Variants in DPP10 observed in about 807,000 individuals in gnomAD.
The protein encoded by DPP10 is dipeptidyl peptidase like 10, also known as inactive dipeptidyl peptidase 10.
A neutral mutation model predicts 120.9 loss-of-function variants in DPP10; 33 were observed. The ratio of observed to expected loss-of-function variants is 0.27; its 90% CI spans 0.21 to 0.37. The LOEUF (loss-of-function observed/expected upper bound fraction) is 0.37, where lower values mean the gene tolerates loss of function less well. DPP10 is among the 10% of genes least tolerant of loss of function. The pLI is 1.00. For missense variants in DPP10, 816 were observed against 942.8 expected, an observed-to-expected ratio of 0.87 and a Z score of 1.76; for synonymous variants, 337 against 326.1, an observed-to-expected ratio of 1.03 and a Z score of -0.36.
chr2:115,170,155 A>C (rs2053210182), intron 1 of DPP10, among the ~76,000 whole-genome samples: 1 of 152,218 alleles, frequency 6.6e-6, no homozygotes, highest in Admixed American at 6.5e-5. Flanking sequence ...TTTTGGCAAG[A>C]GTTGAGTAAG....
chr2:114,849,426 G>A (rs140166556), intron 1 of DPP10, among the ~76,000 whole-genome samples: 13,371 of 152,036 alleles, frequency 0.088, 704 homozygotes, highest in Non-Finnish European at 0.11. Flanking sequence ...CATGGCTCAC[G>A]GCAGCCTCAA....
intron 1 of DPP10, among the ~76,000 whole-genome samples, chr2:114,979,603 T>C (rs1015865179): frequency 6.6e-6 from 1 of 152,080 alleles, no homozygotes; most frequent in Admixed American, 6.6e-5. Flanking sequence ...TATAATCTTA[T>C]ATTTTGAAAA....
chr2:114,885,678 A>C (rs1336147077), intron 1 of DPP10, among the ~76,000 whole-genome samples: 1 of 152,140 alleles, frequency 6.6e-6, no homozygotes, highest in Non-Finnish European at 1.5e-5. Context: ...AATACCCTAG[A>C]TGATTCTAGT....
chr2:115,070,776 T>C (rs1707300942), intron 1 of DPP10, among the ~76,000 whole-genome samples: 1 of 152,198 alleles, frequency 6.6e-6, no homozygotes, highest in South Asian at 2.1e-4. Context: ...AATATCATTT[T>C]AATTCACAAC....
At chr2:115,257,323 G>A (rs1013700344) in intron 1 of DPP10, among the ~76,000 whole-genome samples, 1 of 151,748 alleles carries the variant, frequency 6.6e-6, no homozygotes, top group African/African-American at 2.4e-5. Context: ...CCTCAGATGG[G>A]GCAATTTATA....
At chr2:115,560,822 G>A (rs1009859385) in intron 5 of DPP10, among the ~76,000 whole-genome samples, 8 of 151,928 alleles carry the variant, frequency 5.3e-5, no homozygotes, top group Non-Finnish European at 1.0e-4. Flanking sequence ...TAACTCTTCC[G>A]TACGAAAGTA....
At chr2:114,665,558 G>T (rs1306735389) in intron 1 of DPP10, among the ~76,000 whole-genome samples, 1 of 152,172 alleles carries the variant, frequency 6.6e-6, no homozygotes, top group East Asian at 1.9e-4. Flanking sequence ...AAAGGAAGCT[G>T]TCATTGGAAT....
At chr2:115,774,742 T>TG (rs1681892723) in intron 13 of DPP10, among the ~76,000 whole-genome samples, 2 of 152,138 alleles carry the variant, frequency 1.3e-5, no homozygotes, top group Admixed American at 1.3e-4. Context: ...GATATTGAAA[T>TG]GCAAATACAT....
At chr2:115,587,089 CTTTTTTTT>C (rs756810925) in intron 5 of DPP10, among the ~76,000 whole-genome samples, 5 of 103,916 alleles carry the variant, frequency 4.8e-5, no homozygotes, top group African/African-American at 1.5e-4. Context: ...TTTTCTCTTT[CTTTTTTTT>C]TTTTTTTTTT....
intron 1 of DPP10, among the ~76,000 whole-genome samples, chr2:114,476,481 C>T (rs1475288961): frequency 6.6e-6 from 1 of 152,078 alleles, no homozygotes; most frequent in Non-Finnish European, 1.5e-5. Context: ...ACATTGGACA[C>T]CAATGAAGCT....
At chr2:114,490,383 A>G (rs1051822312) in intron 1 of DPP10, among the ~76,000 whole-genome samples, 1 of 151,698 alleles carries the variant, frequency 6.6e-6, no homozygotes, top group African/African-American at 2.4e-5. Context: ...CCCAACACCC[A>G]TTTCAGCTCT....
At chr2:114,665,136 G>GA (rs992015904) in intron 1 of DPP10, among the ~76,000 whole-genome samples, 1 of 152,158 alleles carries the variant, frequency 6.6e-6, no homozygotes, top group African/African-American at 2.4e-5. Context: ...AGTGGTCAAG[G>GA]AAAAAAATGT....
At chr2:114,913,213 C>G (rs189896137) in intron 1 of DPP10, among the ~76,000 whole-genome samples, 1 of 152,202 alleles carries the variant, frequency 6.6e-6, no homozygotes, top group African/African-American at 2.4e-5. Context: ...CCAGCTAGTA[C>G]CCATGCACAG....
chr2:115,014,434 A>G (rs1209789087), intron 1 of DPP10, among the ~76,000 whole-genome samples: 1 of 152,168 alleles, frequency 6.6e-6, no homozygotes, highest in African/African-American at 2.4e-5. Flanking sequence ...AATTAAAAGA[A>G]CTAGAGAGAC....
chr2:114,509,297 T>C (rs966046213), intron 1 of DPP10, among the ~76,000 whole-genome samples: 6 of 152,230 alleles, frequency 3.9e-5, no homozygotes, highest in Non-Finnish European at 7.3e-5. Flanking sequence ...AAATCATAAT[T>C]GTTATGAAGA....
At chr2:115,036,566 G>A (rs1428600780) in intron 1 of DPP10, among the ~76,000 whole-genome samples, 6 of 152,168 alleles carry the variant, frequency 3.9e-5, no homozygotes, top group Admixed American at 6.5e-5. Flanking sequence ...AAGGAAACCT[G>A]AGGATAAGGA....
chr2:115,012,662 G>A (rs1305480832), intron 1 of DPP10, among the ~76,000 whole-genome samples: 1 of 152,202 alleles, frequency 6.6e-6, no homozygotes, highest in African/African-American at 2.4e-5. Context: ...GGAGCACCCT[G>A]TGGGACAGAA....
chr2:115,090,598 G>T (rs572574569), intron 1 of DPP10, among the ~76,000 whole-genome samples: 11 of 152,256 alleles, frequency 7.2e-5, no homozygotes, highest in African/African-American at 2.6e-4. Context: ...TTTTGTAAAA[G>T]TTAAAGAAAG....
rs1334111014 is a variant in DPP10 at position 115,740,773 on chromosome 2, A to G, written c.852+880A>G. 8.5e-5 allele frequency among the ~76,000 whole-genome samples: 13 copies of G among 152,122 alleles called. 1 individual carries two copies. The highest frequency in any genetic ancestry group is 1.9e-4 in the African/African-American group (8 of 41,510). On this transcript the variant is annotated intron_variant, in intron 9 of 25. Coordinates refer to ENST00000410059, the MANE Select transcript of DPP10 (RefSeq NM_020868.6). ...TCTTTTAAACATGTATTTTTTCCCA[A>G]TGTTTATATAACAAAGAAGAAGGCT...
Sources: gnomAD v4.1 joint callset for allele counts (sites outside exome capture counted in the v4.1 genomes callset) on GRCh38, gnomAD v4.1.1 for gene constraint, MANE v1.5 for transcripts, NCBI Gene and HGNC (gene_info 2026-07-23, HGNC 2026-07-21) for gene names.